SORCS2: variants seen among roughly 807,000 people sequenced by gnomAD.
SORCS2 encodes the protein sortilin related VPS10 domain containing receptor 2.
Under a neutral mutation model 141.6 loss-of-function variants are expected in SORCS2, and 100 were observed. That is an observed-to-expected ratio of 0.71 (90% confidence interval 0.60 to 0.83). The LOEUF (loss-of-function observed/expected upper bound fraction) is 0.83, where lower values mean the gene tolerates loss of function less well. Ranked by LOEUF, SORCS2 falls within the 40% of genes least tolerant of loss-of-function variation. The pLI, the probability that SORCS2 is intolerant of heterozygous loss-of-function variation, is 0.00. For missense variants in SORCS2, 1,646 were observed against 1,560.2 expected, an observed-to-expected ratio of 1.05 and a Z score of -0.93; for synonymous variants, 789 against 676.9, an observed-to-expected ratio of 1.17 and a Z score of -2.57.
intron 12 of SORCS2, among the ~76,000 whole-genome samples, chr4:7,700,793 C>T (rs1447742852): frequency 6.6e-6 from 1 of 152,190 alleles, no homozygotes; most frequent in Non-Finnish European, 1.5e-5. Flanking sequence ...AACTCTGAAT[C>T]CCCACTCCAG....
intron 3 of SORCS2, among the ~76,000 whole-genome samples, chr4:7,609,686 G>A (rs1718281736): frequency 6.6e-6 from 1 of 152,262 alleles, no homozygotes; most frequent in South Asian, 2.1e-4. Flanking sequence ...GGGGAAGGTG[G>A]ACGTGAGCTC....
Position 7,723,739 on chromosome 4 carries a change from G to A in SORCS2, c.2467G>A (p.Gly823Ser), listed in dbSNP as rs779958260. The stretch of plus-strand genomic sequence containing the variant: ...CAAGTACCAGGTAGACCTTGGGGAC[G>A]GCTTCAAGGCCATGTACGTGAACCT... Reference protein sequence around the residue: ...TTKYQVDLGDGFKAMYVNLTL... With the variant: ...TTKYQVDLGDSFKAMYVNLTL... The change falls in exon 19 of 27, where the codon GGC becomes AGC. Residue 823 changes from glycine (G) to serine (S), a missense_variant. Gly to Ser is a moderately conservative substitution (Grantham distance 56). Coordinates refer to ENST00000507866, the MANE Select transcript of SORCS2 (RefSeq NM_020777.3). The A allele has an allele frequency of 7.4e-6, 12 of 1,613,996 alleles. No homozygotes were observed. Among genetic ancestry groups the A allele is most frequent in the Admixed American group, 1.7e-5 (1 of 60,024 alleles).
rs200474188 is a variant in SORCS2, at chr4:7,639,460, G to GT, written c.813+968_813+969insT. ...TGTAAGTGTGTGAGTGCATGTGTGT[G>GT]GGTGTGTCAGTGTGAATGGGTGTGA... On this transcript the variant is annotated intron_variant, in intron 4 of 26. Coordinates refer to ENST00000507866, the MANE Select transcript of SORCS2 (RefSeq NM_020777.3). Among the ~76,000 whole-genome samples, 1,283 of 152,210 alleles carry GT rather than the reference G, an allele frequency of 8.4e-3. 29 individuals are homozygous for GT. The highest frequency in any genetic ancestry group is 0.03 in the African/African-American group (1,243 of 41,520).
At chr4:7,427,378 G>A (rs776364211) in intron 2 of SORCS2, among the ~76,000 whole-genome samples, 2 of 152,296 alleles carry the variant, frequency 1.3e-5, no homozygotes, top group East Asian at 3.9e-4. Context: ...TCCCTGGGCT[G>A]TAGAGGTTTG....
At chr4:7,196,993 G>C (rs1727212792) in intron 1 of SORCS2, among the ~76,000 whole-genome samples, 1 of 152,180 alleles carries the variant, frequency 6.6e-6, no homozygotes, top group Non-Finnish European at 1.5e-5. Flanking sequence ...CTCTTTCTAG[G>C]GCTGCCAGGG....
intron 2 of SORCS2, among the ~76,000 whole-genome samples, chr4:7,468,777 T>G (rs966156851): frequency 6.6e-6 from 1 of 152,226 alleles, no homozygotes; most frequent in Non-Finnish European, 1.5e-5. Context: ...GATTAGGTTT[T>G]TGAAAGGTGA....
chr4:7,647,830 G>A (rs1302297112), intron 4 of SORCS2, among the ~76,000 whole-genome samples: 1 of 152,248 alleles, frequency 6.6e-6, no homozygotes, highest in Non-Finnish European at 1.5e-5. Context: ...CTCATCCTCA[G>A]GGAACCTGCC....
At chr4:7,699,571 C>T (rs1390438209) in intron 12 of SORCS2, among the ~76,000 whole-genome samples, 3 of 152,150 alleles carry the variant, frequency 2.0e-5, no homozygotes, top group Admixed American at 6.5e-5. Flanking sequence ...CCCTGCTGTT[C>T]AGCAGCCCCA....
At chr4:7,386,615 C>G (rs1321737180) in intron 1 of SORCS2, among the ~76,000 whole-genome samples, 5 of 150,284 alleles carry the variant, frequency 3.3e-5, no homozygotes, top group Non-Finnish European at 5.9e-5. Flanking sequence ...CACATATGCC[C>G]ACCATACACA....
intron 10 of SORCS2, among the ~76,000 whole-genome samples, chr4:7,686,969 G>A (rs1428473192): frequency 1.3e-5 from 2 of 152,220 alleles, no homozygotes; most frequent in African/African-American, 4.8e-5. Flanking sequence ...TGGCCTGAGT[G>A]CCAGGCAACC....
chr4:7,711,458 C>T (rs1193258058), intron 14 of SORCS2, among the ~76,000 whole-genome samples: 3 of 152,204 alleles, frequency 2.0e-5, no homozygotes, highest in African/African-American at 7.2e-5. Flanking sequence ...CGTGCATCAC[C>T]TCCCCGACCC....
intron 1 of SORCS2, among the ~76,000 whole-genome samples, chr4:7,235,229 C>G (rs565337511): frequency 6.6e-6 from 1 of 152,236 alleles, no homozygotes; most frequent in African/African-American, 2.4e-5. Flanking sequence ...CTTGTGCAGC[C>G]GCACCAGTTA....
intron 1 of SORCS2, among the ~76,000 whole-genome samples, chr4:7,262,779 A>G (rs1714448873): frequency 6.6e-6 from 1 of 152,170 alleles, no homozygotes; most frequent in Admixed American, 6.5e-5. Context: ...CTCCCTTTCC[A>G]TGCCTCCTGG....
chr4:7,742,061 C>T lies in SORCS2; in HGVS notation c.*1797C>T, dbSNP rs1199784161. The stretch of plus-strand genomic sequence containing the variant: ...CCACCTGTCCCCCAGACCCAAAGCT[C>T]TCTCCCCACCCTACCTGCCCACCTG... On this transcript the variant is annotated 3_prime_UTR_variant, in exon 27 of 27. Coordinates refer to ENST00000507866, the MANE Select transcript of SORCS2 (RefSeq NM_020777.3). 6.6e-6 allele frequency: 1 copy of T among 152,150 alleles called. No homozygotes were observed. Among genetic ancestry groups the T allele is most frequent in the Non-Finnish European group, 1.5e-5 (1 of 68,066 alleles). 9.4% of individuals were successfully genotyped at this position (152,150 alleles called of 1,614,324 possible). A position where few individuals can be genotyped will look rare whatever the true frequency, so the allele number is the denominator to read the frequency against.
chr4:7,424,905 G>A (rs923283080), intron 2 of SORCS2, among the ~76,000 whole-genome samples: 5 of 152,208 alleles, frequency 3.3e-5, no homozygotes, highest in African/African-American at 1.2e-4. Flanking sequence ...ACCACCTCCC[G>A]AGGGGCAGGC....
At chr4:7,402,378 C>A (rs755455916) in intron 2 of SORCS2, among the ~76,000 whole-genome samples, 2 of 152,196 alleles carry the variant, frequency 1.3e-5, no homozygotes, top group South Asian at 2.1e-4. Flanking sequence ...GATTGTCTGT[C>A]TGTATGTATA....
At chr4:7,653,176 G>A (rs935137967) in intron 4 of SORCS2, among the ~76,000 whole-genome samples, 5 of 152,208 alleles carry the variant, frequency 3.3e-5, no homozygotes, top group Non-Finnish European at 5.9e-5. Context: ...TGGAGAGGGA[G>A]CCTGGGCAAT....
intron 3 of SORCS2, 108 bp downstream of exon 3, chr4:7,531,737 G>C (rs940130553): frequency 9.6e-5 from 108 of 1,123,188 alleles, no homozygotes; most frequent in Non-Finnish European, 1.4e-4. Context: ...CTTTGGCCCA[G>C]GCCGGAGTGT....
At chr4:7,432,443 A>T (rs999222305) in intron 2 of SORCS2, 2 of 151,980 alleles carry the variant, frequency 1.3e-5, no homozygotes, top group African/African-American at 4.8e-5. Context: ...GATCATCCCC[A>T]TTCTACAGAT....
Sources: allele counts gnomAD v4.1 joint callset (sites outside exome capture counted in the v4.1 genomes callset), GRCh38; gene constraint gnomAD v4.1.1; transcripts MANE v1.5; gene names NCBI Gene and HGNC (gene_info 2026-07-23, HGNC 2026-07-21).